Variants in DRC11 observed in about 807,000 individuals in gnomAD.
The protein encoded by DRC11 is dynein regulatory complex subunit 11.
the DRC11 span, among the ~76,000 whole-genome samples, chr2:236,480,909 C>T: frequency 6.6e-6 from 1 of 152,214 alleles, no homozygotes; most frequent in Non-Finnish European, 1.5e-5. Context: ...TGTTGAATTT[C>T]CTTTATTGCT....
chr2:236,418,980 G>A, the DRC11 span, among the ~76,000 whole-genome samples: 6 of 152,138 alleles, frequency 3.9e-5, no homozygotes, highest in African/African-American at 1.4e-4. Context: ...GCAATGGATT[G>A]CCAATCAATA....
the DRC11 span, among the ~76,000 whole-genome samples, chr2:236,440,174 T>C: frequency 2.6e-5 from 4 of 152,340 alleles, no homozygotes; most frequent in Non-Finnish European, 4.4e-5. Context: ...ACCAGTTTAA[T>C]AGAAATTCAA....
chr2:236,503,905 AAATG>A, the DRC11 span, among the ~76,000 whole-genome samples: 1 of 152,184 alleles, frequency 6.6e-6, no homozygotes, highest in South Asian at 2.1e-4. The surrounding 1 kb of genome is among the most constrained non-coding windows in gnomAD (Gnocchi z 4.9). Flanking sequence ...CATGAAGGTC[AAATG>A]AGACAAGAGA....
chr2:236,401,946 C>A, the DRC11 span, among the ~76,000 whole-genome samples: 1 of 152,190 alleles, frequency 6.6e-6, no homozygotes, highest in African/African-American at 2.4e-5. The surrounding 1 kb of genome is among the most constrained non-coding windows in gnomAD (Gnocchi z 4.6). Flanking sequence ...TTTAAAGAGG[C>A]ACTCTCTATT....
At chr2:236,499,486 T>A in the DRC11 span, among the ~76,000 whole-genome samples, 1 of 152,222 alleles carries the variant, frequency 6.6e-6, no homozygotes, top group Admixed American at 6.5e-5. The surrounding 1 kb of genome is among the most constrained non-coding windows in gnomAD (Gnocchi z 4.7). Context: ...CAGAGTGCAG[T>A]GGCACGATCT....
the DRC11 span, among the ~76,000 whole-genome samples, chr2:236,386,837 C>T: frequency 6.7e-6 from 1 of 149,094 alleles, no homozygotes; most frequent in African/African-American, 2.5e-5. Context: ...GCTTTGAATG[C>T]GTCCCAGAGA....
chr2:236,335,367 C>T, the DRC11 span, among the ~76,000 whole-genome samples: 2 of 152,216 alleles, frequency 1.3e-5, no homozygotes, highest in Non-Finnish European at 2.9e-5. The surrounding 1 kb of genome is among the most constrained non-coding windows in gnomAD (Gnocchi z 5.6). Flanking sequence ...GCCAGAATGG[C>T]GGCCTGAACA....
the DRC11 span, among the ~76,000 whole-genome samples, chr2:236,457,807 A>G: frequency 6.6e-6 from 1 of 152,222 alleles, no homozygotes; most frequent in Non-Finnish European, 1.5e-5. The surrounding 1 kb of genome is among the most constrained non-coding windows in gnomAD (Gnocchi z 4.7). Context: ...GAGGCAAGGA[A>G]GGGAGCTTCT....
At chr2:236,359,077 G>A in the DRC11 span, among the ~76,000 whole-genome samples, 1 of 151,992 alleles carries the variant, frequency 6.6e-6, no homozygotes, top group Admixed American at 6.6e-5. This position sits in a 1 kb window ranked among gnomAD's most constrained non-coding sequence, Gnocchi z 4.3. Context: ...GCAAGGGAAG[G>A]CCAGGGCAGG....
At chr2:236,479,056 C>T in the DRC11 span, among the ~76,000 whole-genome samples, 1 of 152,280 alleles carries the variant, frequency 6.6e-6, no homozygotes, top group Middle Eastern at 3.4e-3. This position sits in a 1 kb window ranked among gnomAD's most constrained non-coding sequence, Gnocchi z 4.1. Flanking sequence ...AACTCCTGAC[C>T]TCAAATGATC....
the DRC11 span, among the ~76,000 whole-genome samples, chr2:236,432,162 AC>A: frequency 6.6e-6 from 1 of 152,060 alleles, no homozygotes; most frequent in East Asian, 1.9e-4. Flanking sequence ...AATTTTCATT[AC>A]CCTAATGATG....
chr2:236,491,921 G>C, the DRC11 span, among the ~76,000 whole-genome samples: 1 of 152,180 alleles, frequency 6.6e-6, no homozygotes, highest in Admixed American at 6.5e-5. Context: ...GTGTTGGGAT[G>C]TGGGACTTTT....
the DRC11 span, among the ~76,000 whole-genome samples, chr2:236,447,873 A>C: frequency 6.7e-6 from 1 of 149,796 alleles, no homozygotes; most frequent in African/African-American, 2.4e-5. This position sits in a 1 kb window ranked among gnomAD's most constrained non-coding sequence, Gnocchi z 4.6. Flanking sequence ...GAGCAAATGA[A>C]AGCTGGCCAG....
At chr2:236,359,628 C>T in the DRC11 span, among the ~76,000 whole-genome samples, 2 of 152,162 alleles carry the variant, frequency 1.3e-5, no homozygotes, top group South Asian at 4.1e-4. This position sits in a 1 kb window ranked among gnomAD's most constrained non-coding sequence, Gnocchi z 4.3. Context: ...GAGCCACAGC[C>T]CGTGTTCTGC....
chr2:236,349,355 G>T, the DRC11 span, among the ~76,000 whole-genome samples: 3 of 152,168 alleles, frequency 2.0e-5, no homozygotes, highest in African/African-American at 4.8e-5. The surrounding 1 kb of genome is among the most constrained non-coding windows in gnomAD (Gnocchi z 5.5). Flanking sequence ...TATGTAAAAG[G>T]TTTATACTTC....
chr2:236,444,251 T>A, the DRC11 span, among the ~76,000 whole-genome samples: 1 of 152,258 alleles, frequency 6.6e-6, no homozygotes, highest in Non-Finnish European at 1.5e-5. Context: ...GTTTTCATCA[T>A]GAAATCTTTG....
chr2:236,446,111 T>G, the DRC11 span, among the ~76,000 whole-genome samples: 6 of 152,176 alleles, frequency 3.9e-5, no homozygotes, highest in Admixed American at 6.5e-5. The surrounding 1 kb of genome is among the most constrained non-coding windows in gnomAD (Gnocchi z 6.2). Context: ...GATTTCTCCC[T>G]CCCTCGATTT....
At chr2:236,497,448 G>A in the DRC11 span, 25,759 of 1,613,022 alleles carry the variant, frequency 0.016, 247 homozygotes, top group Non-Finnish European at 0.018. This position sits in a 1 kb window ranked among gnomAD's most constrained non-coding sequence, Gnocchi z 5.1. Context: ...GTAAAGCACC[G>A]AGGGCTTCTT....
the DRC11 span, among the ~76,000 whole-genome samples, chr2:236,320,801 T>TC: frequency 6.6e-6 from 1 of 151,592 alleles, no homozygotes; most frequent in South Asian, 2.1e-4. Context: ...CTCTGAGGAG[T>TC]CTACAGCTCC....
Sources: gnomAD v4.1 joint callset for allele counts (sites outside exome capture counted in the v4.1 genomes callset) on GRCh38, gnomAD v4.1.1 for gene constraint, Gnocchi (gnomAD v3.1) non-coding constraint, MANE v1.5 for transcripts, NCBI Gene and HGNC (gene_info 2026-07-23, HGNC 2026-07-21) for gene names.